ERBB4: variants seen among roughly 807,000 people sequenced by gnomAD.
ERBB4 encodes the protein erb-b2 receptor tyrosine kinase 4.
In ERBB4, 42 loss-of-function variants were observed where a neutral mutation model predicts 158.0. The ratio of observed to expected loss-of-function variants is 0.27; its 90% CI spans 0.21 to 0.34. The LOEUF (loss-of-function observed/expected upper bound fraction) is 0.34, where lower values mean the gene tolerates loss of function less well. Among genes scored for constraint, ERBB4 ranks in the 10% least tolerant of loss-of-function variants. The pLI, the probability that ERBB4 is intolerant of heterozygous loss-of-function variation, is 1.00. For missense variants in ERBB4, 1,333 were observed against 1,624.1 expected (o/e 0.82, Z 3.08); for synonymous variants, 583 against 558.7 (o/e 1.04, Z -0.61).
At chr2:212,121,727 A>C (rs1180344124) in intron 2 of ERBB4, among the ~76,000 whole-genome samples, 1 of 115,428 alleles carries the variant, frequency 8.7e-6, no homozygotes, top group African/African-American at 3.0e-5. Flanking sequence ...AGTAGGAGTC[A>C]CATGTGATTT....
chr2:211,704,345 T>C lies in ERBB4; in HGVS notation c.1199-151A>G, dbSNP rs867937722. The C allele has an allele frequency of 1.7e-4, 112 of 656,262 alleles. 2 individuals are homozygous for C. The Middle Eastern group carries it at 7.0e-3, about 41-fold the overall frequency. 40.7% of individuals were successfully genotyped at this position (656,262 alleles called of 1,614,324 possible). A position where few individuals can be genotyped will look rare whatever the true frequency, so the allele number is the denominator to read the frequency against. ...TATTTTTTAAGCACTCTATTACATA[T>C]GTATTCTTCCAAGATTGAGTGTCCT... On this transcript the variant is annotated intron_variant, in intron 10 of 27. Transcript: ENST00000342788.
At chr2:212,423,050 T>A (rs1319660134) in intron 1 of ERBB4, among the ~76,000 whole-genome samples, 1 of 152,124 alleles carries the variant, frequency 6.6e-6, no homozygotes, top group Non-Finnish European at 1.5e-5. Context: ...AAATAATAAC[T>A]TGAGTAAGAG....
At chr2:211,879,383 G>A (rs1208376895) in intron 3 of ERBB4, among the ~76,000 whole-genome samples, 1 of 152,080 alleles carries the variant, frequency 6.6e-6, no homozygotes, top group East Asian at 1.9e-4. Flanking sequence ...CCCATTGAAA[G>A]CAATGAACAT....
intron 3 of ERBB4, among the ~76,000 whole-genome samples, chr2:211,863,458 T>G (rs973965188): frequency 6.6e-6 from 1 of 152,236 alleles, no homozygotes; most frequent in South Asian, 2.1e-4. Flanking sequence ...GCTCACTTTT[T>G]GTGTCCGCAC....
chr2:212,394,685 A>T (rs1173221077), intron 1 of ERBB4, among the ~76,000 whole-genome samples: 1 of 152,058 alleles, frequency 6.6e-6, no homozygotes, highest in Non-Finnish European at 1.5e-5. Flanking sequence ...AATTTTCTCT[A>T]TACTTACCTT....
At chr2:211,613,535 C>A (rs2125836692) in intron 19 of ERBB4, among the ~76,000 whole-genome samples, 1 of 151,970 alleles carries the variant, frequency 6.6e-6, no homozygotes, top group Non-Finnish European at 1.5e-5. Flanking sequence ...GTTTAATAAC[C>A]AGAATATATA....
chr2:211,532,151 T>A (rs1469737927), intron 20 of ERBB4, among the ~76,000 whole-genome samples: 1 of 150,996 alleles, frequency 6.6e-6, no homozygotes, highest in East Asian at 2.0e-4. Flanking sequence ...GGAAGGGTTG[T>A]GGGGGGGGAA....
chr2:211,557,699 A>C lies in ERBB4; in HGVS notation c.2487+4204T>G, dbSNP rs143625683. ...ATAAATTAGTTCAACCACTATGGAA[A>C]GCAGTCTAGCAATTCCTCAAGGAGC... is the stretch of plus-strand genomic sequence containing the variant. On this transcript the variant is annotated intron_variant, in intron 20 of 27. Coordinates refer to ENST00000342788, the MANE Select transcript of ERBB4 (RefSeq NM_005235.3). Among the ~76,000 whole-genome samples the C allele has an allele frequency of 4.3e-4, 65 of 152,288 alleles. No homozygotes were observed. The East Asian group carries it at 0.012, about 29-fold the overall frequency.
chr2:211,760,163 G>A (rs887470734), intron 4 of ERBB4, among the ~76,000 whole-genome samples: 27 of 152,190 alleles, frequency 1.8e-4, no homozygotes, highest in Admixed American at 3.3e-4. Context: ...ATGTGACCAT[G>A]TGTTTCATTG....
chr2:211,948,613 T>C (rs1010984807), intron 2 of ERBB4, among the ~76,000 whole-genome samples: 2 of 151,968 alleles, frequency 1.3e-5, no homozygotes, highest in Non-Finnish European at 2.9e-5. Flanking sequence ...CTGAGTTTCA[T>C]CTAAATATTT....
chr2:212,046,629 C>T (rs2077267821), intron 2 of ERBB4, among the ~76,000 whole-genome samples: 1 of 152,128 alleles, frequency 6.6e-6, no homozygotes, highest in Non-Finnish European at 1.5e-5. Flanking sequence ...CTATTACAGT[C>T]CAGTGATTCT....
chr2:212,388,053 C>A (rs2090735883), intron 1 of ERBB4, among the ~76,000 whole-genome samples: 1 of 151,746 alleles, frequency 6.6e-6, no homozygotes, highest in Non-Finnish European at 1.5e-5. Flanking sequence ...CTTGAATATG[C>A]CGTTAGAGAG....
intron 1 of ERBB4, among the ~76,000 whole-genome samples, chr2:212,323,468 C>G (rs1279543638): frequency 6.7e-6 from 1 of 150,340 alleles, no homozygotes; most frequent in Non-Finnish European, 1.5e-5. Context: ...GCTCTTTGCT[C>G]TCTACCAAGG....
At chr2:211,526,885 AAT>A (rs1400834137) in intron 20 of ERBB4, among the ~76,000 whole-genome samples, 2 of 152,134 alleles carry the variant, frequency 1.3e-5, no homozygotes, top group African/African-American at 4.8e-5. Flanking sequence ...ACTTTTTGAA[AAT>A]ATGGTCAGAG....
intron 4 of ERBB4, among the ~76,000 whole-genome samples, chr2:211,782,766 G>A (rs997498241): frequency 5.3e-5 from 8 of 152,244 alleles, no homozygotes; most frequent in Admixed American, 5.2e-4. Context: ...TGCTGTTTGG[G>A]TTACTGTAGC....
chr2:211,740,468 T>A (rs185311226), intron 5 of ERBB4, among the ~76,000 whole-genome samples: 6 of 152,130 alleles, frequency 3.9e-5, no homozygotes, highest in Admixed American at 3.3e-4. Context: ...TGAACTCACA[T>A]TTATTTTAAT....
At chr2:211,912,170 A>G (rs952947312) in intron 3 of ERBB4, among the ~76,000 whole-genome samples, 4 of 152,142 alleles carry the variant, frequency 2.6e-5, no homozygotes, top group African/African-American at 9.7e-5. Context: ...TTTACACAAG[A>G]TATAGTGAAT....
intron 1 of ERBB4, among the ~76,000 whole-genome samples, chr2:212,475,969 G>A (rs565149589): frequency 6.6e-6 from 1 of 152,062 alleles, no homozygotes; most frequent in South Asian, 2.1e-4. Flanking sequence ...AATACAGCAA[G>A]AGGGATCTTT....
In ERBB4 at chr2:211,455,022, C is replaced by T. The variant is rs539684794; in HGVS notation, c.2488-23922G>A. Among the ~76,000 whole-genome samples the T allele has an allele frequency of 8.5e-5, 13 of 152,306 alleles. No individual in the cohort carries two copies. In the East Asian group the frequency reaches 2.3e-3, roughly 27 times the overall value. On this transcript the variant is annotated intron_variant, in intron 20 of 27. Transcript: ENST00000342788. ...TGAACCATTCTTTTGCTGAATGTAT[C>T]AGTCTTTTGCTACTTACAACAAAGA... is the stretch of plus-strand genomic sequence containing the variant.
Sources: gnomAD v4.1 joint callset for allele counts (sites outside exome capture counted in the v4.1 genomes callset) on GRCh38, gnomAD v4.1.1 for gene constraint, MANE v1.5 for transcripts, NCBI Gene and HGNC (gene_info 2026-07-23, HGNC 2026-07-21) for gene names.